The following AKAP7 variants were observed in gnomAD, a reference collection of about 807,000 sequenced individuals.
The protein encoded by AKAP7 is A-kinase anchoring protein 7, also known as A kinase (PRKA) anchor protein 7.
AKAP7 carries 39 observed loss-of-function variants against 39.5 expected under a neutral mutation model. That is an observed-to-expected ratio of 0.99 (90% CI 0.76 to 1.29). AKAP7 has a LOEUF of 1.29. AKAP7 is among the 50% of genes most tolerant of loss of function. The pLI, the probability that AKAP7 is intolerant of heterozygous loss-of-function variation, is 0.00. For missense variants in AKAP7, 414 were observed against 407.7 expected (o/e 1.02, Z -0.13); for synonymous variants, 140 against 139.1 (o/e 1.01, Z -0.05).
intron 7 of AKAP7, among the ~76,000 whole-genome samples, chr6:131,223,357 T>G (rs1483589676): frequency 1.3e-5 from 2 of 152,214 alleles, no homozygotes; most frequent in Non-Finnish European, 2.9e-5. Context: ...ATACTGACGT[T>G]TATTAAAGCA....
At chr6:131,250,564 T>G (rs1016311711) in intron 7 of AKAP7, 4 of 1,614,052 alleles carry the variant, frequency 2.5e-6, no homozygotes, top group Non-Finnish European at 1.7e-6. Context: ...ACAGGACCAG[T>G]GCCATGGGCC....
At chr6:131,274,884 G>A (rs1253347791) in intron 7 of AKAP7, among the ~76,000 whole-genome samples, 2 of 151,884 alleles carry the variant, frequency 1.3e-5, no homozygotes, top group Non-Finnish European at 2.9e-5. Flanking sequence ...CATCCCTGTC[G>A]CCATGCCTGG....
chr6:131,151,468 G>T (rs1208222861), intron 2 of AKAP7, among the ~76,000 whole-genome samples: 1 of 151,694 alleles, frequency 6.6e-6, no homozygotes, highest in African/African-American at 2.4e-5. Context: ...TATATGGCCG[G>T]GTGTGGTGGC....
chr6:131,146,559 C>A (rs1167400586), intron 2 of AKAP7, among the ~76,000 whole-genome samples: 3 of 152,168 alleles, frequency 2.0e-5, no homozygotes. Context: ...TGACTATTGT[C>A]CAGGTTACTT....
At chr6:131,178,435 C>T (rs1052064808) in intron 5 of AKAP7, among the ~76,000 whole-genome samples, 1 of 152,170 alleles carries the variant, frequency 6.6e-6, no homozygotes, top group African/African-American at 2.4e-5. Context: ...ACTCCATTCC[C>T]ACTACTGCCA....
chr6:131,173,190 G>C (rs1480516139), intron 5 of AKAP7, among the ~76,000 whole-genome samples: 1 of 131,782 alleles, frequency 7.6e-6, no homozygotes, highest in African/African-American at 2.9e-5. Flanking sequence ...GACAGAGCGA[G>C]ACTCCATCTC....
At chr6:131,231,055 G>A (rs1426510456) in intron 7 of AKAP7, among the ~76,000 whole-genome samples, 1 of 152,072 alleles carries the variant, frequency 6.6e-6, no homozygotes, top group Non-Finnish European at 1.5e-5. Flanking sequence ...CCATGAAAAA[G>A]TGTAATCTGT....
At chr6:131,186,789 A>G (rs989878056) in intron 5 of AKAP7, among the ~76,000 whole-genome samples, 1 of 148,346 alleles carries the variant, frequency 6.7e-6, no homozygotes, top group African/African-American at 2.4e-5. Context: ...TTTTAAGGAC[A>G]GTAATCCCAT....
chr6:131,135,583 C>G lies in AKAP7; in HGVS notation c.-181C>G, dbSNP rs1800463068. The G allele has an allele frequency of 1.6e-5, 6 of 367,112 alleles. No homozygotes were observed. Among genetic ancestry groups the G allele is most frequent in the Middle Eastern group, 1.3e-3 (1 of 742 alleles). 22.7% of individuals were successfully genotyped at this position (367,112 alleles called of 1,614,324 possible). Reference sequence around the variant, plus strand: ...TTGGGAAGCTCCGCGCTTCCGCAGGCCTGGCCTCCGCCGCCCGGGCCCCCG... The same window carrying G: ...TTGGGAAGCTCCGCGCTTCCGCAGGGCTGGCCTCCGCCGCCCGGGCCCCCG... On this transcript the variant is annotated 5_prime_UTR_variant, in exon 1 of 8. Transcript: ENST00000431975.
rs1017702004 is a variant in AKAP7 at position 131,235,636 on chromosome 6, T to G, written c.850+15828T>G. Among the ~76,000 whole-genome samples the G allele has an allele frequency of 1.2e-3, 182 of 152,258 alleles. 1 individual carries two copies. Among genetic ancestry groups the G allele is most frequent in the African/African-American group, 4.0e-3 (166 of 41,506 alleles). ...TGAGATGGTATCTCATTGTGGTTTT[T>G]ATTTGCATTTCTCTGATGGCCAGTG... On this transcript the variant is annotated intron_variant, in intron 7 of 7. Coordinates refer to ENST00000431975, the MANE Select transcript of AKAP7 (RefSeq NM_016377.4).
chr6:131,264,138 G>C (rs1386303228), intron 7 of AKAP7, among the ~76,000 whole-genome samples: 2 of 152,160 alleles, frequency 1.3e-5, no homozygotes, highest in African/African-American at 4.8e-5. Flanking sequence ...ATGGAAAGCA[G>C]CCCTGTGACT....
intron 5 of AKAP7, among the ~76,000 whole-genome samples, chr6:131,189,721 A>C (rs1318508220): frequency 6.6e-6 from 1 of 152,226 alleles, no homozygotes; most frequent in South Asian, 2.1e-4. Context: ...TTGTTTCTCT[A>C]TTAAATTGTT....
chr6:131,263,433 C>A (rs1387771519), intron 7 of AKAP7, among the ~76,000 whole-genome samples: 3 of 152,036 alleles, frequency 2.0e-5, no homozygotes, highest in Non-Finnish European at 2.9e-5. Flanking sequence ...CTCCTCATTC[C>A]CATATATGAA....
intron 7 of AKAP7, among the ~76,000 whole-genome samples, chr6:131,231,448 C>G (rs1334716144): frequency 6.6e-6 from 1 of 151,792 alleles, no homozygotes; most frequent in Non-Finnish European, 1.5e-5. Flanking sequence ...GAATTTATTT[C>G]AAGCATTTTA....
At chr6:131,254,794 G>A (rs1402487067) in intron 7 of AKAP7, among the ~76,000 whole-genome samples, 1 of 152,180 alleles carries the variant, frequency 6.6e-6, no homozygotes, top group Non-Finnish European at 1.5e-5. Flanking sequence ...ATTAGAATAA[G>A]TATGTGTTTT....
chr6:131,217,529 G>A (rs901914589), intron 6 of AKAP7, among the ~76,000 whole-genome samples: 3 of 152,046 alleles, frequency 2.0e-5, no homozygotes, highest in African/African-American at 7.2e-5. Context: ...TAATTTCGGT[G>A]CCTTCAAAAG....
upstream of AKAP7, among the ~76,000 whole-genome samples, chr6:131,133,204 C>T (rs544258913): frequency 6.6e-5 from 10 of 152,258 alleles, no homozygotes; most frequent in African/African-American, 2.4e-4. Context: ...GAATTGCGTA[C>T]TTGTCACCTT....
At chr6:131,146,172 A>G (rs1470093258) in intron 2 of AKAP7, among the ~76,000 whole-genome samples, 1 of 152,332 alleles carries the variant, frequency 6.6e-6, no homozygotes, top group East Asian at 1.9e-4. Context: ...AAGGAGCTCA[A>G]CAGGTTAATA....
At chr6:131,266,829 C>G (rs1228273244) in intron 7 of AKAP7, among the ~76,000 whole-genome samples, 1 of 152,060 alleles carries the variant, frequency 6.6e-6, no homozygotes, top group Non-Finnish European at 1.5e-5. Context: ...TTCAAGTTCT[C>G]TTTAGCATCA....
Sources: gnomAD v4.1 joint callset for allele counts (sites outside exome capture counted in the v4.1 genomes callset) on GRCh38, gnomAD v4.1.1 for gene constraint, MANE v1.5 for transcripts, NCBI Gene and HGNC (gene_info 2026-07-23, HGNC 2026-07-21) for gene names.